Variants in MAL2 observed in about 807,000 individuals in gnomAD.
MAL2 encodes the protein protein MAL2.
A neutral mutation model predicts 18.1 loss-of-function variants in MAL2; 17 were observed. That is an observed-to-expected ratio of 0.94 (90% CI 0.64 to 1.41). MAL2 has a LOEUF of 1.41. MAL2 is among the 40% of genes most tolerant of loss of function. The pLI, the probability that MAL2 is intolerant of heterozygous loss-of-function variation, is 0.00. For missense variants in MAL2, 222 were observed against 231.9 expected (o/e 0.96, Z 0.28); for synonymous variants, 102 against 102.3 (o/e 1.00, Z 0.02).
intron 1 of MAL2, chr8:119,215,510 A>C (rs1817337697): frequency 1.3e-5 from 2 of 152,232 alleles, no homozygotes; most frequent in South Asian, 4.1e-4. Flanking sequence ...GTCACAGTCT[A>C]GTGGGTGAAA....
chr8:119,238,272 T>G (rs575328181), intron 2 of MAL2, among the ~76,000 whole-genome samples: 2,186 of 144,032 alleles, frequency 0.015, 56 homozygotes, highest in African/African-American at 0.06. Flanking sequence ...CACTGCTCAC[T>G]GAAATGAAAC....
In MAL2 at chr8:119,236,647, A is replaced by G. The variant is rs532638571; in HGVS notation, c.304-3518A>G. ...CTCAGGATTAAGAATCTCACTCAAA[A>G]CCGCTCAACTACATGGAAACTGAAC... On this transcript the variant is annotated intron_variant, in intron 2 of 3. Coordinates refer to ENST00000614891, the MANE Select transcript of MAL2 (RefSeq NM_052886.3). 2.5e-3 allele frequency among the ~76,000 whole-genome samples: 384 copies of G among 151,646 alleles called. 4 individuals carry two copies. Among genetic ancestry groups the G allele is most frequent in the African/African-American group, 8.2e-3 (338 of 41,128 alleles).
At chr8:119,212,620 G>T (rs977097981) in intron 1 of MAL2, among the ~76,000 whole-genome samples, 1 of 152,202 alleles carries the variant, frequency 6.6e-6, no homozygotes, top group Non-Finnish European at 1.5e-5. Flanking sequence ...GGAACAGCAG[G>T]ATAGAGTACA....
chr8:119,221,748 G>A lies in MAL2; in HGVS notation c.294G>A (p.Trp98Ter). 1 of 1,613,680 alleles carries A rather than the reference G, an allele frequency of 6.2e-7. No homozygotes were observed. Among genetic ancestry groups the A allele is most frequent in the Non-Finnish European group, 8.5e-7 (1 of 1,179,760 alleles). Residue 98 changes from tryptophan to a stop codon, truncating the protein, a stop_gained, in exon 2 of 4, where the codon TGG (tryptophan) becomes TGA (stop). Transcript: ENST00000614891. LOFTEE classifies it high-confidence loss of function. ...SGMVAQIDAN[W>*]NFLDFAYHFT... ...TGGTGGCTCAAATTGATGCTAACTG[G>A]AACTTCCTGGTAAGGACTTTTTATT... is the stretch of plus-strand genomic sequence containing the variant.
At chr8:119,241,182 A>G (rs1818040526) in intron 3 of MAL2, among the ~76,000 whole-genome samples, 1 of 152,154 alleles carries the variant, frequency 6.6e-6, no homozygotes, top group Admixed American at 6.6e-5. Context: ...TATTTCATGT[A>G]AGTGCTGTCC....
chr8:119,239,459 A>G (rs912506043), intron 2 of MAL2, among the ~76,000 whole-genome samples: 1 of 152,082 alleles, frequency 6.6e-6, no homozygotes, highest in Non-Finnish European at 1.5e-5. Context: ...TGCTATAAAG[A>G]CACATGCACA....
Position 119,243,550 on chromosome 8 carries a change from A to G in MAL2, c.*62A>G, listed in dbSNP as rs115566208. On this transcript the variant is annotated 3_prime_UTR_variant, in exon 4 of 4. Coordinates refer to ENST00000614891, the MANE Select transcript of MAL2 (RefSeq NM_052886.3). ...CTTGTCTACTTTATATGTCTGATCA[A>G]TTTGGATACCATTTTGTCCAGATGC... 2,557 of 1,411,804 alleles carry G rather than the reference A, an allele frequency of 1.8e-3. 39 individuals carry two copies. The African/African-American group carries it at 0.031, about 17-fold the overall frequency. The allele number at this position is 1,411,804 out of a possible 1,614,324, so 87.5% of individuals were successfully genotyped here. A position where few individuals can be genotyped will look rare whatever the true frequency, so the allele number is the denominator to read the frequency against.
intron 3 of MAL2, among the ~76,000 whole-genome samples, chr8:119,240,601 A>G (rs2129922687): frequency 6.6e-6 from 1 of 152,326 alleles, no homozygotes; most frequent in East Asian, 1.9e-4. Context: ...CTACTTTGCA[A>G]AAAGAGTTGT....
In MAL2 at chr8:119,234,940, C is replaced by T. The variant is rs572610627; in HGVS notation, c.304-5225C>T. Among the ~76,000 whole-genome samples the T allele has an allele frequency of 5.2e-3, 788 of 152,160 alleles. 4 individuals are homozygous for T. The highest frequency in any genetic ancestry group is 0.034 in the Middle Eastern group (10 of 294). On this transcript the variant is annotated intron_variant, in intron 2 of 3. Transcript: ENST00000614891. ...AAGGAACGCAGTTCCTCACCAGCAACGGAACAAAGCTGGATGGAGAATGAC... is the reference window on the plus strand; with the variant it reads ...AAGGAACGCAGTTCCTCACCAGCAATGGAACAAAGCTGGATGGAGAATGAC...
intron 2 of MAL2, among the ~76,000 whole-genome samples, 182 bp from the exon 3 acceptor site, chr8:119,239,983 G>T (rs1176583820): frequency 6.6e-6 from 1 of 152,234 alleles, no homozygotes; most frequent in Non-Finnish European, 1.5e-5. Context: ...AGATGGGTCA[G>T]TTGATTTTCG....
At chr8:119,225,219 A>G (rs886798507) in intron 2 of MAL2, among the ~76,000 whole-genome samples, 2 of 152,172 alleles carry the variant, frequency 1.3e-5, no homozygotes, top group African/African-American at 4.8e-5. Flanking sequence ...TGCTGCACCC[A>G]TTAACTCATC....
intron 3 of MAL2, among the ~76,000 whole-genome samples, chr8:119,241,646 A>G (rs749450677): frequency 2.6e-5 from 4 of 152,176 alleles, no homozygotes; most frequent in African/African-American, 4.8e-5. Context: ...GACCTATTGT[A>G]AGTTTCCCAA....
At position 119,243,744 on chromosome 8, in the gene MAL2, G is replaced by A. The variant is rs1176899116; in HGVS notation, c.*256G>A. On this transcript the variant is annotated 3_prime_UTR_variant, in exon 4 of 4. Transcript: ENST00000614891. ...CCTTTATTTTCCTCCTTTTCTTTCT[G>A]AAAGTTTCCTTTTATGTCCATAAAA... 3.0e-6 allele frequency: 1 copy of A among 331,524 alleles called. No individual in the cohort carries two copies. Among genetic ancestry groups the A allele is most frequent in the Non-Finnish European group, 5.4e-6 (1 of 184,822 alleles). The allele number at this position is 331,524 out of a possible 1,614,324, so 20.5% of individuals were successfully genotyped here.
intron 3 of MAL2, 132 bp from the exon 4 acceptor site, chr8:119,243,279 ACAATGT>A: frequency 3.3e-5 from 18 of 553,062 alleles, no homozygotes; most frequent in South Asian, 6.7e-5. Flanking sequence ...AAAAAAAAAA[ACAATGT>A]AAAATATTTT....
chr8:119,232,951 G>C (rs918073430), intron 2 of MAL2, among the ~76,000 whole-genome samples: 5 of 152,286 alleles, frequency 3.3e-5, no homozygotes, highest in African/African-American at 1.2e-4. Context: ...TGGGCTGAGA[G>C]ACAGTTTGTT....
Position 119,208,417 on chromosome 8 carries a change from A to C in MAL2, c.-56A>C. 1 of 1,004,832 alleles carries C rather than the reference A, an allele frequency of 1.0e-6. No individual in the cohort carries two copies. 62.2% of individuals were successfully genotyped at this position (1,004,832 alleles called of 1,614,324 possible). ...GCGGCGGCGGCGGCAGGAGCCCGGG[A>C]GGCGGAGGCGGGAGGCGGCGGCGGC... On this transcript the variant is annotated 5_prime_UTR_variant, in exon 1 of 4. Transcript: ENST00000614891. The surrounding 1 kb of genome is among the most constrained non-coding windows in gnomAD (Gnocchi z 4.3).
At chr8:119,227,162 T>G (rs1215140738) in intron 2 of MAL2, among the ~76,000 whole-genome samples, 2 of 152,178 alleles carry the variant, frequency 1.3e-5, no homozygotes, top group Non-Finnish European at 2.9e-5. Flanking sequence ...GTTACAAAAT[T>G]AATGCATTAA....
chr8:119,235,302 A>G (rs1214064078), intron 2 of MAL2, among the ~76,000 whole-genome samples: 1 of 152,192 alleles, frequency 6.6e-6, no homozygotes, highest in African/African-American at 2.4e-5. Context: ...GGACTATGTG[A>G]AAAGACCAAA....
At chr8:119,231,021 A>G (rs1817709832) in intron 2 of MAL2, among the ~76,000 whole-genome samples, 1 of 145,562 alleles carries the variant, frequency 6.9e-6, no homozygotes, top group African/African-American at 2.7e-5. Context: ...ATGTGAGAAC[A>G]GTTTTTTTTT....
Sources: allele counts gnomAD v4.1 joint callset (sites outside exome capture counted in the v4.1 genomes callset), GRCh38; gene constraint gnomAD v4.1.1; non-coding constraint Gnocchi (gnomAD v3.1); transcripts MANE v1.5; gene names NCBI Gene and HGNC (gene_info 2026-07-23, HGNC 2026-07-21).